Variants in SLC44A1 observed in about 807,000 individuals in gnomAD.
SLC44A1 encodes the protein choline transporter-like protein 1.
In SLC44A1, 26 loss-of-function variants were observed where a neutral mutation model predicts 79.3. That is an observed-to-expected ratio of 0.33 (90% CI 0.24 to 0.46). The LOEUF is 0.46. SLC44A1 is among the 20% of genes least tolerant of loss of function. The pLI is 1.00. For missense variants in SLC44A1, 688 were observed against 798.1 expected, an observed-to-expected ratio of 0.86 and a Z score of 1.66; for synonymous variants, 263 against 286.2, an observed-to-expected ratio of 0.92 and a Z score of 0.82.
chr9:105,370,602 C>T (rs1828066313), intron 12 of SLC44A1, among the ~76,000 whole-genome samples: 1 of 152,022 alleles, frequency 6.6e-6, no homozygotes, highest in African/African-American at 2.4e-5. Flanking sequence ...TAATAATTCT[C>T]AAATGAAATG....
intron 4 of SLC44A1, among the ~76,000 whole-genome samples, chr9:105,344,409 TA>T (rs1448811370): frequency 8.5e-5 from 13 of 152,264 alleles, no homozygotes; most frequent in Admixed American, 7.2e-4. Context: ...GGTGAGAGCT[TA>T]GGGGGAGGCT....
At chr9:105,321,835 A>G (rs1331103255) in intron 3 of SLC44A1, among the ~76,000 whole-genome samples, 1 of 151,948 alleles carries the variant, frequency 6.6e-6, no homozygotes, top group Non-Finnish European at 1.5e-5. Context: ...AACAAGAGAG[A>G]TATAATCTAC....
intron 3 of SLC44A1, among the ~76,000 whole-genome samples, chr9:105,330,085 A>T (rs577873356): frequency 1.3e-5 from 2 of 152,274 alleles, no homozygotes; most frequent in Non-Finnish European, 2.9e-5. Context: ...TACACCTAGT[A>T]ATGTTTGTTA....
Position 105,395,515 on chromosome 9 carries a change from G to C in SLC44A1, c.*6459G>C, listed in dbSNP as rs980145516. ...ATTACAGGCATGAGCCACCGCGCCC[G>C]GCCTAGAAGAGTTTTAATGAACCTT... On this transcript the variant is annotated 3_prime_UTR_variant, in exon 16 of 16. Transcript: ENST00000374720. The C allele has an allele frequency of 1.0e-6, 1 of 985,214 alleles. No homozygotes were observed. The highest frequency in any genetic ancestry group is 1.7e-5 in the African/African-American group (1 of 57,238). The allele number at this position is 985,214 out of a possible 1,614,324, so 61.0% of individuals were successfully genotyped here. A position where few individuals can be genotyped will look rare whatever the true frequency, so the allele number is the denominator to read the frequency against.
intron 3 of SLC44A1, among the ~76,000 whole-genome samples, chr9:105,324,735 T>G (rs12350341): frequency 0.13 from 20,288 of 152,190 alleles, 2,712 homozygotes; most frequent in African/African-American, 0.35. Context: ...TATGTGAATG[T>G]CTAACAGGCA....
At chr9:105,409,366 A>G (rs1829067612) in intron 15 of SLC44A1, among the ~76,000 whole-genome samples, 2 of 152,370 alleles carry the variant, frequency 1.3e-5, no homozygotes, top group African/African-American at 4.8e-5. Flanking sequence ...AAAAGGAACA[A>G]TGCATCAATA....
At chr9:105,285,118 C>G (rs1185576931) in intron 1 of SLC44A1, among the ~76,000 whole-genome samples, 3 of 152,108 alleles carry the variant, frequency 2.0e-5, no homozygotes, top group Non-Finnish European at 4.4e-5. Flanking sequence ...AAATTATATT[C>G]TATGGCATGG....
At position 105,395,173 on chromosome 9, in the gene SLC44A1, C is replaced by G. The variant is rs1254560190; in HGVS notation, c.*6117C>G. On this transcript the variant is annotated 3_prime_UTR_variant, in exon 16 of 16. Coordinates refer to ENST00000374720, the MANE Select transcript of SLC44A1 (RefSeq NM_080546.5). ...GTGAAGAAAGGAGAAAAGTCAGCCC[C>G]CTACCCCACCCCACACTCCTAGAAA... The G allele has an allele frequency of 7.4e-5, 73 of 985,430 alleles. No homozygotes were observed. The highest frequency in any genetic ancestry group is 8.8e-5 in the Non-Finnish European group (73 of 829,942). The allele number at this position is 985,430 out of a possible 1,614,324, so 61.0% of individuals were successfully genotyped here. A position where few individuals can be genotyped will look rare whatever the true frequency, so the allele number is the denominator to read the frequency against.
chr9:105,336,831 T>C (rs933015101), intron 4 of SLC44A1, among the ~76,000 whole-genome samples: 1 of 152,104 alleles, frequency 6.6e-6, no homozygotes, highest in African/African-American at 2.4e-5. Context: ...ATAACATGGG[T>C]TGATTTGGGT....
At position 105,385,272 on chromosome 9, in the gene SLC44A1, CAT is replaced by C. The variant is rs985986057; in HGVS notation, c.1870-149_1870-148del. 8.9e-5 allele frequency: 53 copies of C among 593,182 alleles called. No homozygotes were observed. In the African/African-American group the frequency reaches 9.2e-4, roughly 10 times the overall value. The allele number at this position is 593,182 out of a possible 1,614,324, so 36.7% of individuals were successfully genotyped here. On this transcript the variant is annotated intron_variant, in intron 14 of 15. Coordinates refer to ENST00000374720, the MANE Select transcript of SLC44A1 (RefSeq NM_080546.5). The stretch of plus-strand genomic sequence containing the variant: ...CCATTTCTACAAATTTAGCAACTCT[CAT>C]GTGTGATACTAAACATTATTTATTG...
chr9:105,413,617 C>T (rs1279240936), intron 15 of SLC44A1, among the ~76,000 whole-genome samples: 1 of 152,226 alleles, frequency 6.6e-6, no homozygotes, highest in Admixed American at 6.5e-5. Context: ...CTTACTGTTA[C>T]ATGAGAAGAA....
chr9:105,244,836 C>CCGGCGCCGCCTCCGGGCTCCTT lies in SLC44A1; in HGVS notation c.-28_-7dup. 9.0e-7 allele frequency: 1 copy of CCGGCGCCGCCTCCGGGCTCCTT among 1,110,314 alleles called. No homozygotes were observed. The highest frequency in any genetic ancestry group is 5.3e-5 in the East Asian group (1 of 18,962). The allele number at this position is 1,110,314 out of a possible 1,614,324, so 68.8% of individuals were successfully genotyped here. A position where few individuals can be genotyped will look rare whatever the true frequency, so the allele number is the denominator to read the frequency against. Reference sequence around the variant, plus strand: ...GGGGCTCCGGGGCGTAGCTGCGCGCCCGGCGCCGCCTCCGGGCTCCTTCGG... The same window carrying CCGGCGCCGCCTCCGGGCTCCTT: ...GGGGCTCCGGGGCGTAGCTGCGCGCCCGGCGCCGCCTCCGGGCTCCTTCGGCGCCGCCTCCGGGCTCCTTCGG... On this transcript the variant is annotated 5_prime_UTR_variant, in exon 1 of 16. Transcript: ENST00000374720.
chr9:105,349,320 A>G (rs182115290), intron 5 of SLC44A1, among the ~76,000 whole-genome samples: 46 of 152,314 alleles, frequency 3.0e-4, no homozygotes, highest in African/African-American at 9.4e-4. Context: ...TCAATATATT[A>G]TAGGAAGCTG....
At chr9:105,289,203 G>A (rs1321111189) in intron 1 of SLC44A1, among the ~76,000 whole-genome samples, 2 of 152,186 alleles carry the variant, frequency 1.3e-5, no homozygotes, top group African/African-American at 2.4e-5. Context: ...TGTGCTGAGA[G>A]CCTATTTATG....
chr9:105,274,608 T>C (rs756624117), intron 1 of SLC44A1, among the ~76,000 whole-genome samples: 58 of 152,224 alleles, frequency 3.8e-4, no homozygotes, highest in Non-Finnish European at 6.3e-4. Context: ...TTTTAAAGCA[T>C]AGGATGAGGA....
chr9:105,419,643 G>A (rs987964069), intron 15 of SLC44A1, among the ~76,000 whole-genome samples: 6 of 152,188 alleles, frequency 3.9e-5, no homozygotes, highest in East Asian at 1.9e-4. Context: ...AGCTGGGCGC[G>A]GTGGCCCACG....
chr9:105,322,879 T>A (rs1306958373), intron 3 of SLC44A1, among the ~76,000 whole-genome samples: 1 of 152,132 alleles, frequency 6.6e-6, no homozygotes, highest in Non-Finnish European at 1.5e-5. Context: ...TATAAATGAA[T>A]ATTATACTTT....
At chr9:105,413,498 C>T (rs1203907399) in intron 15 of SLC44A1, among the ~76,000 whole-genome samples, 2 of 152,214 alleles carry the variant, frequency 1.3e-5, no homozygotes, top group African/African-American at 4.8e-5. Flanking sequence ...ATTACAAACA[C>T]CAACAGAACC....
Position 105,362,837 on chromosome 9 carries a change from T to A in SLC44A1, c.917T>A (p.Ile306Lys). Residue 306 changes from isoleucine to lysine, a missense_variant, in exon 9 of 16, where the codon ATA (isoleucine) becomes AAA (lysine). By Grantham distance (102) the Ile-to-Lys change is moderately radical (BLOSUM62 -3). Transcript: ENST00000374720. Reference protein sequence around the residue: ...ATVFTVILFLIMLVMRKRVAL... With the variant: ...ATVFTVILFLKMLVMRKRVAL... Reference sequence around the variant, plus strand: ...TCCATACAGGTGATCTTATTCCTGATAATGTTGGTTATGCGCAAACGTGTT... The same window carrying A: ...TCCATACAGGTGATCTTATTCCTGAAAATGTTGGTTATGCGCAAACGTGTT... 6.2e-7 allele frequency: 1 copy of A among 1,604,908 alleles called. No homozygotes were observed. Among genetic ancestry groups the A allele is most frequent in the Non-Finnish European group, 8.5e-7 (1 of 1,176,520 alleles).
Sources: gnomAD v4.1 joint callset for allele counts (sites outside exome capture counted in the v4.1 genomes callset) on GRCh38, gnomAD v4.1.1 for gene constraint, MANE v1.5 for transcripts, NCBI Gene and HGNC (gene_info 2026-07-23, HGNC 2026-07-21) for gene names.